Variants in MYO9B observed in about 807,000 individuals in gnomAD.
The protein encoded by MYO9B is unconventional myosin-IXb.
A neutral mutation model predicts 229.5 loss-of-function variants in MYO9B; 71 were observed. The ratio of observed to expected loss-of-function variants is 0.31; its 90% CI spans 0.26 to 0.38. MYO9B has a LOEUF of 0.38. Among genes scored for constraint, MYO9B ranks in the 10% least tolerant of loss-of-function variants. MYO9B has a pLI of 1.00. For missense variants in MYO9B, 2,255 were observed against 2,920.5 expected (o/e 0.77, Z 5.25); for synonymous variants, 1,185 against 1,235.8 (o/e 0.96, Z 0.86).
chr19:17,195,528 G>T lies in MYO9B; in HGVS notation c.4046+55G>T. The T allele has an allele frequency of 6.5e-7, 1 of 1,536,208 alleles. No homozygotes were observed. The highest frequency in any genetic ancestry group is 8.7e-7 in the Non-Finnish European group (1 of 1,146,040). ...ACCAGGGTCCAGGCCAGGTGGGCAA[G>T]GCCAGGGGCAGTGCCACACATCCTG... On this transcript the variant is annotated intron_variant, in intron 22 of 39. Coordinates refer to ENST00000682292, the MANE Select transcript of MYO9B (RefSeq NM_004145.4). This position sits in a 1 kb window ranked among gnomAD's most constrained non-coding sequence, Gnocchi z 4.5.
At position 17,096,256 on chromosome 19, in the gene MYO9B, C is replaced by A. The variant is rs568223656; in HGVS notation, c.-58-5404C>A. Among the ~76,000 whole-genome samples, 15 of 152,174 alleles carry A rather than the reference C, an allele frequency of 9.9e-5. No individual in the cohort carries two copies. The South Asian group carries it at 1.7e-3, about 17-fold the overall frequency. ...CTCAGTTTGGGACTCTCAGAAGTTA[C>A]ACGTCTCTGTCTCGACATCTGCTTC... On this transcript the variant is annotated intron_variant, in intron 1 of 39. Transcript: ENST00000682292.
intron 19 of MYO9B, among the ~76,000 whole-genome samples, chr19:17,189,623 C>CA (rs917928954): frequency 1.3e-4 from 20 of 150,330 alleles, no homozygotes; most frequent in African/African-American, 3.7e-4. Context: ...GACTCCGTCT[C>CA]AAAAAAAAAC....
chr19:17,136,285 A>G (rs956406488), intron 2 of MYO9B, among the ~76,000 whole-genome samples: 1 of 152,100 alleles, frequency 6.6e-6, no homozygotes, highest in African/African-American at 2.4e-5. Flanking sequence ...GCTCCAGACT[A>G]TGGCCCTGCA....
At chr19:17,152,731 C>T in intron 4 of MYO9B, 25 bp downstream of exon 4, 2 of 1,584,894 alleles carry the variant, frequency 1.3e-6, no homozygotes, top group Non-Finnish European at 1.7e-6. Context: ...TCCCAGGAAT[C>T]TCTGAATGCC....
intron 2 of MYO9B, among the ~76,000 whole-genome samples, chr19:17,135,951 G>GCTT (rs1261506399): frequency 1.3e-5 from 2 of 152,040 alleles, no homozygotes; most frequent in Non-Finnish European, 2.9e-5. Flanking sequence ...GGTACTACGG[G>GCTT]GACCCTGACT....
intron 3 of MYO9B, among the ~76,000 whole-genome samples, chr19:17,149,332 G>A (rs2072451758): frequency 2.0e-5 from 3 of 151,920 alleles, no homozygotes; most frequent in Admixed American, 2.0e-4. Context: ...TAACTTCCAG[G>A]GCCCACCATT....
chr19:17,175,986 C>T (rs755109773), intron 14 of MYO9B, among the ~76,000 whole-genome samples: 5 of 151,880 alleles, frequency 3.3e-5, no homozygotes, highest in African/African-American at 9.7e-5. Flanking sequence ...GCATGCGCCA[C>T]GATGCCCAGC....
chr19:17,106,130 G>A (rs2057791092), intron 2 of MYO9B, among the ~76,000 whole-genome samples: 1 of 151,908 alleles, frequency 6.6e-6, no homozygotes, highest in South Asian at 2.1e-4. Context: ...CAAGTAGCTG[G>A]AATTCCAGGT....
At chr19:17,155,176 A>C (rs1208755614) in intron 6 of MYO9B, among the ~76,000 whole-genome samples, 1 of 151,964 alleles carries the variant, frequency 6.6e-6, no homozygotes, top group Non-Finnish European at 1.5e-5. Flanking sequence ...TATTATGCTT[A>C]TGTTACTACA....
chr19:17,200,961 G>C lies in MYO9B; in HGVS notation c.4563+132G>C. The stretch of plus-strand genomic sequence containing the variant: ...AGAATACAAAGTCCAGGCTCAGGCC[G>C]GGGACAGTGGTTCATGTTTGTCATC... On this transcript the variant is annotated intron_variant, in intron 26 of 39. Transcript: ENST00000682292. 17 of 1,045,014 alleles carry C rather than the reference G, an allele frequency of 1.6e-5. 1 individual carries two copies. In the South Asian group the frequency reaches 2.6e-4, roughly 16 times the overall value. The allele number at this position is 1,045,014 out of a possible 1,614,324, so 64.7% of individuals were successfully genotyped here.
chr19:17,105,837 A>G (rs1487515052), intron 2 of MYO9B, among the ~76,000 whole-genome samples: 1 of 152,196 alleles, frequency 6.6e-6, no homozygotes, highest in Non-Finnish European at 1.5e-5. Context: ...CTGGTCCGAC[A>G]TATGTAGCCT....
chr19:17,194,969 G>T lies in MYO9B; in HGVS notation c.3542G>T (p.Arg1181Met). Residue 1181 changes from arginine (R) to methionine (M), a missense_variant, in exon 22 of 40, where the codon AGG becomes ATG. Coordinates refer to ENST00000682292, the MANE Select transcript of MYO9B (RefSeq NM_004145.4). ...EESALREPSRRVTQEQGVSLL... is the reference protein window; with the variant it reads ...EESALREPSRMVTQEQGVSLL... ...AGTGCCCTCAGAGAACCTTCCAGAA[G>T]GGTCACCCAGGAGCAAGGGGTGAGT... 1 of 1,613,320 alleles carries T rather than the reference G, an allele frequency of 6.2e-7. No individual in the cohort carries two copies. Among genetic ancestry groups the T allele is most frequent in the Non-Finnish European group, 8.5e-7 (1 of 1,179,884 alleles).
At chr19:17,135,530 A>G (rs1267685579) in intron 2 of MYO9B, among the ~76,000 whole-genome samples, 1 of 152,118 alleles carries the variant, frequency 6.6e-6, no homozygotes, top group Non-Finnish European at 1.5e-5. Flanking sequence ...CAGCAACACA[A>G]TAGCACCCCT....
At chr19:17,167,902 T>G in intron 10 of MYO9B, 41 bp from the exon 11 acceptor site, 2 of 1,550,326 alleles carry the variant, frequency 1.3e-6, no homozygotes, top group Non-Finnish European at 1.7e-6. Flanking sequence ...ATTACATATC[T>G]GGGAGATAAG....
rs762558780 is a variant in MYO9B, at chr19:17,200,642, C to G, written c.4376C>G (p.Pro1459Arg). The change falls in exon 26 of 40, where the codon CCC (proline) becomes CGC (arginine). Residue 1459 changes from proline (P) to arginine (R), a missense_variant. By Grantham distance (103) the Pro-to-Arg change is moderately radical (BLOSUM62 -2). Around this residue, in one of 7 missense-constraint regions of MYO9B, gnomAD observed 679 missense variants for 770.2 expected, o/e 0.88. Transcript: ENST00000682292. The stretch of plus-strand genomic sequence containing the variant: ...GCTGCTTCCTGTCCCCCCTCAGCCC[C>G]CTCCGGACAGCAGCATCGCCACGCT... Reference protein sequence around the residue: ...ATTMKKGLEAPSGQQHRHAAG... With the variant: ...ATTMKKGLEARSGQQHRHAAG... 8.1e-6 allele frequency: 13 copies of G among 1,612,158 alleles called. No individual in the cohort carries two copies. Among genetic ancestry groups the G allele is most frequent in the African/African-American group, 2.7e-5 (2 of 74,904 alleles).
chr19:17,207,054 C>A (rs1474277068), intron 34 of MYO9B, 59 bp from the exon 35 acceptor site: 7 of 1,587,532 alleles, frequency 4.4e-6, no homozygotes, highest in Non-Finnish European at 6.0e-6. Flanking sequence ...AGTCTCGGGG[C>A]TCCCTGGTAC....
intron 1 of MYO9B, among the ~76,000 whole-genome samples, chr19:17,081,045 G>A (rs772028685): frequency 3.9e-5 from 6 of 152,116 alleles, no homozygotes; most frequent in East Asian, 1.9e-4. Flanking sequence ...TTTTGGGGGC[G>A]GGGGCAGAGT....
At chr19:17,188,096 A>G (rs2072939526) in intron 19 of MYO9B, 51 bp downstream of exon 19, 4 of 1,460,870 alleles carry the variant, frequency 2.7e-6, no homozygotes, top group Non-Finnish European at 1.9e-6. Context: ...GGCAAAGGCA[A>G]TCACCCTCTT....
intron 2 of MYO9B, among the ~76,000 whole-genome samples, chr19:17,119,422 A>G (rs1266526864): frequency 1.3e-5 from 2 of 152,186 alleles, no homozygotes; most frequent in Non-Finnish European, 2.9e-5. Context: ...AGAGCCAGGA[A>G]TGAGCGAGTG....
Sources: gnomAD v4.1 joint callset for allele counts (sites outside exome capture counted in the v4.1 genomes callset) on GRCh38, gnomAD v4.1.1 for gene constraint, gnomAD v4.1.1 regional missense constraint, Gnocchi (gnomAD v3.1) non-coding constraint, MANE v1.5 for transcripts, NCBI Gene and HGNC (gene_info 2026-07-23, HGNC 2026-07-21) for gene names.